GRM5: variants seen among roughly 807,000 people sequenced by gnomAD.
The protein encoded by GRM5 is glutamate metabotropic receptor 5, also known as metabotropic glutamate receptor 5.
GRM5 carries 19 observed loss-of-function variants against 83.1 expected under a neutral mutation model. The ratio of observed to expected loss-of-function variants is 0.23; its 90% CI spans 0.16 to 0.34. The LOEUF is 0.34. Among genes scored for constraint, GRM5 ranks in the 10% least tolerant of loss-of-function variants. The pLI is 1.00. For missense variants in GRM5, 1,160 were observed against 1,588.3 expected, an observed-to-expected ratio of 0.73 and a Z score of 4.58; for synonymous variants, 675 against 633.6, an observed-to-expected ratio of 1.07 and a Z score of -0.98.
At chr11:88,782,592 AT>A (rs933091046) in intron 3 of GRM5, among the ~76,000 whole-genome samples, 2 of 152,070 alleles carry the variant, frequency 1.3e-5, no homozygotes, top group East Asian at 1.9e-4. Flanking sequence ...CTAATTGCAT[AT>A]TTTTTTGACA....
chr11:88,565,899 T>G (rs1359042433), intron 8 of GRM5, among the ~76,000 whole-genome samples: 1 of 152,206 alleles, frequency 6.6e-6, no homozygotes, highest in African/African-American at 2.4e-5. Context: ...AACTATCCTC[T>G]GATTTATTTT....
chr11:88,722,564 ACAAT>A (rs1238359349), intron 3 of GRM5, among the ~76,000 whole-genome samples: 64 of 152,170 alleles, frequency 4.2e-4, no homozygotes, highest in Non-Finnish European at 1.9e-4. Context: ...AGGGACTGGC[ACAAT>A]CAATCTTTAT....
chr11:88,798,428 T>C (rs552276656), intron 3 of GRM5, among the ~76,000 whole-genome samples: 8 of 152,256 alleles, frequency 5.3e-5, no homozygotes, highest in African/African-American at 1.4e-4. Context: ...GAAAACACTT[T>C]TGTAGAATGA....
intron 3 of GRM5, among the ~76,000 whole-genome samples, chr11:88,811,896 A>G (rs1308183998): frequency 1.3e-5 from 2 of 152,214 alleles, no homozygotes; most frequent in Admixed American, 6.5e-5. Flanking sequence ...CCTATCAGTG[A>G]TAACAGCCAG....
chr11:88,569,955 A>G (rs1458675894), intron 7 of GRM5, among the ~76,000 whole-genome samples: 3 of 152,174 alleles, frequency 2.0e-5, no homozygotes, highest in Non-Finnish European at 4.4e-5. Flanking sequence ...AATGACAGCA[A>G]GGAAGCATGT....
chr11:88,522,603 CTGTG>C (rs55777647), intron 9 of GRM5, among the ~76,000 whole-genome samples: 9,813 of 127,144 alleles, frequency 0.077, 415 homozygotes, highest in Admixed American at 0.11. Context: ...CTCTCTCTCT[CTGTG>C]TGTGTGTGTG....
At position 88,641,123 on chromosome 11, in the gene GRM5, T is replaced by C. The variant is rs554178249; in HGVS notation, c.1147+12045A>G. On this transcript the variant is annotated intron_variant, in intron 4 of 9. Coordinates refer to ENST00000305447, the MANE Select transcript of GRM5 (RefSeq NM_001143831.3). The stretch of plus-strand genomic sequence containing the variant: ...GGAGGCCTCAGGAAGCTTTTACTCA[T>C]GGTGGAAGGTGAAGCAGGATCACAC... Among the ~76,000 whole-genome samples, 3 of 152,186 alleles carry C rather than the reference T, an allele frequency of 2.0e-5. No individual in the cohort carries two copies. The South Asian group carries it at 6.2e-4, about 32-fold the overall frequency.
At chr11:88,959,850 C>A (rs1565310177) in intron 2 of GRM5, among the ~76,000 whole-genome samples, 2 of 152,196 alleles carry the variant, frequency 1.3e-5, no homozygotes, top group Non-Finnish European at 2.9e-5. Flanking sequence ...TGGAATAAAT[C>A]ATGAAGGCAA....
At chr11:88,702,225 T>C (rs61904085) in intron 3 of GRM5, among the ~76,000 whole-genome samples, 25,956 of 152,056 alleles carry the variant, frequency 0.17, 2,709 homozygotes, top group Middle Eastern at 0.28. Context: ...ACAAGGAATC[T>C]GCCTTATCTG....
chr11:88,641,464 A>G (rs770063881), intron 4 of GRM5, among the ~76,000 whole-genome samples: 2 of 152,084 alleles, frequency 1.3e-5, no homozygotes, highest in African/African-American at 2.4e-5. Flanking sequence ...CAGTCCCCCA[A>G]AGTCTTAACT....
At chr11:88,555,651 G>A (rs1003352013) in intron 8 of GRM5, among the ~76,000 whole-genome samples, 11 of 152,098 alleles carry the variant, frequency 7.2e-5, no homozygotes, top group Admixed American at 2.0e-4. Context: ...GGGGAGTCAC[G>A]CACTCTGGCA....
intron 3 of GRM5, among the ~76,000 whole-genome samples, chr11:88,697,551 G>A (rs1448018190): frequency 1.3e-5 from 2 of 152,130 alleles, no homozygotes; most frequent in Non-Finnish European, 1.5e-5. Flanking sequence ...GCAGCCACAA[G>A]GTACACATTA....
At chr11:88,935,638 C>A (rs888868328) in intron 2 of GRM5, among the ~76,000 whole-genome samples, 3 of 151,848 alleles carry the variant, frequency 2.0e-5, no homozygotes, top group African/African-American at 7.2e-5. Context: ...CAAAAGGCAG[C>A]TTGGCACAGG....
intron 7 of GRM5, among the ~76,000 whole-genome samples, chr11:88,586,314 A>C (rs186200082): frequency 1.3e-5 from 2 of 152,326 alleles, no homozygotes; most frequent in African/African-American, 4.8e-5. Flanking sequence ...TTGTTTTCTG[A>C]ACAATTGTTT....
At chr11:88,925,962 T>C in intron 2 of GRM5, 1 of 296,772 alleles carries the variant, frequency 3.4e-6, no homozygotes, top group Non-Finnish European at 6.7e-6. Context: ...ATTAAAACTT[T>C]CCCTTTTACT....
In GRM5 at chr11:88,843,870, C is replaced by A. The variant is rs542697697; in HGVS notation, c.911+6036G>T. 1.3e-4 allele frequency among the ~76,000 whole-genome samples: 20 copies of A among 152,272 alleles called. No individual in the cohort carries two copies. The South Asian group carries it at 4.1e-3, about 32-fold the overall frequency. On this transcript the variant is annotated intron_variant, in intron 3 of 9. Coordinates refer to ENST00000305447, the MANE Select transcript of GRM5 (RefSeq NM_001143831.3). ...TGTAAACCAAAATTCTAATCAAGAG[C>A]AAGATCTTAACTCTCTTTAATCCTA... is the stretch of plus-strand genomic sequence containing the variant.
intron 3 of GRM5, among the ~76,000 whole-genome samples, chr11:88,796,616 T>C (rs965772384): frequency 6.6e-5 from 10 of 152,170 alleles, no homozygotes; most frequent in African/African-American, 2.2e-4. Flanking sequence ...AGTGCCATGA[T>C]ATTTTCATGA....
rs145179116 is a variant in GRM5, at chr11:88,811,102, G to GT, written c.911+38803dup. On this transcript the variant is annotated intron_variant, in intron 3 of 9. Coordinates refer to ENST00000305447, the MANE Select transcript of GRM5 (RefSeq NM_001143831.3). ...CATTATTCTAGAAACACCTTTTTTT[G>GT]TTTTTTTTCCATTCTCAAGATGCTA... Among the ~76,000 whole-genome samples the GT allele has an allele frequency of 2.0e-3, 310 of 151,398 alleles. 1 individual carries two copies. The highest frequency in any genetic ancestry group is 4.1e-3 in the African/African-American group (170 of 41,286).
chr11:88,614,118 T>C (rs1211571768), intron 4 of GRM5, among the ~76,000 whole-genome samples: 2 of 152,174 alleles, frequency 1.3e-5, no homozygotes, highest in African/African-American at 4.8e-5. Flanking sequence ...TTTTTCTGGC[T>C]GTTATAAAAG....
Sources: gnomAD v4.1 joint callset for allele counts (sites outside exome capture counted in the v4.1 genomes callset) on GRCh38, gnomAD v4.1.1 for gene constraint, MANE v1.5 for transcripts, NCBI Gene and HGNC (gene_info 2026-07-23, HGNC 2026-07-21) for gene names.